LPP: variants seen among roughly 807,000 people sequenced by gnomAD.
The protein encoded by LPP is lipoma-preferred partner.
LPP carries 38 observed loss-of-function variants against 60.4 expected under a neutral mutation model. That is an observed-to-expected ratio of 0.63 (90% CI 0.49 to 0.83). The LOEUF is 0.83. Among genes scored for constraint, LPP ranks in the 40% least tolerant of loss-of-function variants. The pLI is 0.00. For synonymous variants in LPP, 328 were observed against 290.8 expected (o/e 1.13, Z -1.30); for missense variants, 902 against 783.6 (o/e 1.15, Z -1.80).
chr3:188,346,764 A>G (rs973473696), intron 3 of LPP, among the ~76,000 whole-genome samples: 4 of 152,174 alleles, frequency 2.6e-5, no homozygotes, highest in African/African-American at 9.7e-5. Context: ...GCCATCCATG[A>G]GTTAAGCAAA....
intron 8 of LPP, among the ~76,000 whole-genome samples, chr3:188,740,039 C>A (rs1269667858): frequency 6.6e-6 from 1 of 151,920 alleles, no homozygotes; most frequent in African/African-American, 2.4e-5. Flanking sequence ...AGAATATGTT[C>A]GCAGAAATCA....
chr3:188,339,413 T>C (rs1375782967), intron 2 of LPP, among the ~76,000 whole-genome samples: 1 of 152,202 alleles, frequency 6.6e-6, no homozygotes, highest in Non-Finnish European at 1.5e-5. Flanking sequence ...GGATTTGTAT[T>C]AGTCCATTCT....
intron 1 of LPP, among the ~76,000 whole-genome samples, chr3:188,165,933 G>C (rs1037314521): frequency 6.6e-6 from 1 of 152,136 alleles, no homozygotes; most frequent in Non-Finnish European, 1.5e-5. Flanking sequence ...GGAACATACG[G>C]CTTTTGAGAG....
intron 7 of LPP, among the ~76,000 whole-genome samples, chr3:188,705,278 A>G (rs1865262606): frequency 1.3e-5 from 2 of 152,170 alleles, no homozygotes; most frequent in South Asian, 4.1e-4. Context: ...CCTATTCTGC[A>G]GTTGGATTTG....
chr3:188,230,361 A>T, intron 2 of LPP, among the ~76,000 whole-genome samples: 1 of 152,190 alleles, frequency 6.6e-6, no homozygotes, highest in East Asian at 1.9e-4. Flanking sequence ...TGGGATTACA[A>T]GAAACATATT....
chr3:188,719,947 C>T (rs1715648917), intron 8 of LPP, among the ~76,000 whole-genome samples: 1 of 152,160 alleles, frequency 6.6e-6, no homozygotes, highest in Admixed American at 6.5e-5. Flanking sequence ...TAGTCTTGCT[C>T]CGTCGCCCAG....
chr3:188,800,904 C>T (rs1052789769), intron 9 of LPP, among the ~76,000 whole-genome samples: 5 of 151,852 alleles, frequency 3.3e-5, no homozygotes, highest in African/African-American at 1.2e-4. Context: ...TTCATGTTTT[C>T]CTTATTAGTG....
intron 8 of LPP, among the ~76,000 whole-genome samples, chr3:188,718,002 G>A (rs769277177): frequency 6.6e-6 from 1 of 152,052 alleles, no homozygotes; most frequent in East Asian, 1.9e-4. Flanking sequence ...TGTATTTTTA[G>A]TAGAGACGAG....
intron 8 of LPP, among the ~76,000 whole-genome samples, chr3:188,734,224 T>G (rs529395846): frequency 6.6e-6 from 1 of 152,306 alleles, no homozygotes; most frequent in Non-Finnish European, 1.5e-5. Flanking sequence ...CTTTTAAAAT[T>G]TATCATAAAG....
chr3:188,307,896 C>T (rs1218717895), intron 2 of LPP, among the ~76,000 whole-genome samples: 1 of 152,072 alleles, frequency 6.6e-6, no homozygotes, highest in East Asian at 1.9e-4. Flanking sequence ...TTTTTGGTCA[C>T]CTGCACTACT....
chr3:188,685,594 C>G (rs1860532608), intron 7 of LPP, among the ~76,000 whole-genome samples: 1 of 152,154 alleles, frequency 6.6e-6, no homozygotes, highest in African/African-American at 2.4e-5. Flanking sequence ...AGAATGCCTT[C>G]CATCCACAGC....
At chr3:188,693,598 CTTTG>C (rs776406963) in intron 7 of LPP, among the ~76,000 whole-genome samples, 41 of 152,242 alleles carry the variant, frequency 2.7e-4, no homozygotes, top group East Asian at 1.2e-3. Flanking sequence ...GAGAAACACT[CTTTG>C]TTTGTCGAGG....
At chr3:188,492,512 A>G (rs985322601) in intron 5 of LPP, among the ~76,000 whole-genome samples, 1 of 152,076 alleles carries the variant, frequency 6.6e-6, no homozygotes, top group Non-Finnish European at 1.5e-5. Context: ...CCTGGCCAAC[A>G]TGATGAAACC....
At chr3:188,480,379 G>T (rs774992004) in intron 4 of LPP, among the ~76,000 whole-genome samples, 6 of 152,216 alleles carry the variant, frequency 3.9e-5, no homozygotes, top group Non-Finnish European at 5.9e-5. Context: ...AATCAAGCAA[G>T]ATATGTCTCA....
chr3:188,162,928 T>C (rs959389419), intron 1 of LPP, among the ~76,000 whole-genome samples: 1 of 152,170 alleles, frequency 6.6e-6, no homozygotes. Flanking sequence ...CAGGCACTAT[T>C]TGTTTTCTCC....
intron 9 of LPP, among the ~76,000 whole-genome samples, chr3:188,859,089 TAAAAAAAA>T (rs35722501): frequency 9.6e-6 from 1 of 103,940 alleles, no homozygotes; most frequent in African/African-American, 3.9e-5. Flanking sequence ...ACTCTGTCTT[TAAAAAAAA>T]AAAAAAAAAA....
intron 6 of LPP, among the ~76,000 whole-genome samples, chr3:188,581,891 A>G (rs189800669): frequency 2.0e-4 from 30 of 151,852 alleles, no homozygotes; most frequent in Non-Finnish European, 2.1e-4. Context: ...TTATTATCCA[A>G]CTTACAGTCT....
chr3:188,828,504 A>G (rs375180332), intron 9 of LPP, among the ~76,000 whole-genome samples: 1 of 148,560 alleles, frequency 6.7e-6, no homozygotes, highest in East Asian at 2.0e-4. Flanking sequence ...AATCCTAGCT[A>G]CTTGGGAGGC....
chr3:188,485,572 C>A (rs922710323), intron 5 of LPP, among the ~76,000 whole-genome samples: 2 of 151,646 alleles, frequency 1.3e-5, no homozygotes, highest in Non-Finnish European at 2.9e-5. Context: ...CCGAGGCGGG[C>A]GGATCACGAG....
Sources: gnomAD v4.1 joint callset for allele counts (sites outside exome capture counted in the v4.1 genomes callset) on GRCh38, gnomAD v4.1.1 for gene constraint, MANE v1.5 for transcripts, NCBI Gene and HGNC (gene_info 2026-07-23, HGNC 2026-07-21) for gene names.